The following CDH13 variants were observed in gnomAD, a reference collection of about 807,000 sequenced individuals.
The protein encoded by CDH13 is cadherin-13.
Under a neutral mutation model 63.8 loss-of-function variants are expected in CDH13, and 24 were observed. The ratio of observed to expected loss-of-function variants is 0.38; its 90% CI spans 0.27 to 0.53. The LOEUF (loss-of-function observed/expected upper bound fraction) is 0.53. CDH13 is among the 20% of genes least tolerant of loss of function. CDH13 has a pLI of 0.85. For synonymous variants in CDH13, 503 were observed against 355.3 expected, an observed-to-expected ratio of 1.42 and a Z score of -4.67; for missense variants, 1,049 against 903.1, an observed-to-expected ratio of 1.16 and a Z score of -2.07.
In CDH13 at chr16:83,561,297, T is replaced by A. The variant is rs551381883; in HGVS notation, c.961-41157T>A. On this transcript the variant is annotated intron_variant, in intron 7 of 13. Coordinates refer to ENST00000567109, the MANE Select transcript of CDH13 (RefSeq NM_001257.5). ...TCCCATCTCTACTAAAAAAAAAAAATTAGCCAGGTGTGGTGACGCATGGGA... is the reference window on the plus strand; with the variant it reads ...TCCCATCTCTACTAAAAAAAAAAAAATAGCCAGGTGTGGTGACGCATGGGA... Among the ~76,000 whole-genome samples, 824 of 149,292 alleles carry A rather than the reference T, an allele frequency of 5.5e-3. 10 individuals are homozygous for A. The highest frequency in any genetic ancestry group is 0.019 in the African/African-American group (763 of 40,098).
At chr16:83,250,221 C>T (rs1905359134) in intron 5 of CDH13, among the ~76,000 whole-genome samples, 1 of 152,098 alleles carries the variant, frequency 6.6e-6, no homozygotes, top group African/African-American at 2.4e-5. Flanking sequence ...AGAAAAAAAA[C>T]TCATTGACCC....
chr16:83,362,761 A>G (rs1463809975), intron 6 of CDH13, among the ~76,000 whole-genome samples: 3 of 152,176 alleles, frequency 2.0e-5, no homozygotes, highest in African/African-American at 7.2e-5. Context: ...CTTTTCCTCT[A>G]TGATAAGGCA....
At chr16:82,739,427 T>C (rs1333818906) in intron 1 of CDH13, among the ~76,000 whole-genome samples, 7 of 152,240 alleles carry the variant, frequency 4.6e-5, no homozygotes, top group Non-Finnish European at 1.0e-4. Flanking sequence ...TTCAGACTTG[T>C]TGAAATTTTC....
At chr16:83,424,145 A>G (rs2071810803) in intron 6 of CDH13, among the ~76,000 whole-genome samples, 2 of 151,950 alleles carry the variant, frequency 1.3e-5, no homozygotes, top group Non-Finnish European at 2.9e-5. Context: ...GGGAAATCCA[A>G]CATGGACTGA....
chr16:83,290,511 C>T (rs2089440600), intron 5 of CDH13, among the ~76,000 whole-genome samples: 1 of 152,162 alleles, frequency 6.6e-6, no homozygotes, highest in South Asian at 2.1e-4. Context: ...CTTTGCCCCT[C>T]CTTTGCCTTC....
chr16:82,785,445 C>T (rs566986274), intron 1 of CDH13, among the ~76,000 whole-genome samples: 20 of 152,278 alleles, frequency 1.3e-4, no homozygotes, highest in South Asian at 6.2e-4. Context: ...TGCACTTCTG[C>T]GGACTTTGAT....
rs34772600 is a variant in CDH13 at position 83,405,134 on chromosome 16, CAA to C, written c.781+60141_781+60142del. On this transcript the variant is annotated intron_variant, in intron 6 of 13. Transcript: ENST00000567109. ...CTGAAGTCCCAATCCCTCTAGCTCT[CAA>C]AAAAAAAAAAAATCTTAACAATTCT... is the stretch of plus-strand genomic sequence containing the variant. Among the ~76,000 whole-genome samples, 311 of 139,074 alleles carry C rather than the reference CAA, an allele frequency of 2.2e-3. 2 individuals are homozygous for C. Among genetic ancestry groups the C allele is most frequent in the African/African-American group, 7.4e-3 (277 of 37,684 alleles). 91.2% of individuals were successfully genotyped at this position (139,074 alleles called of 152,430 possible). A position where few individuals can be genotyped will look rare whatever the true frequency, so the allele number is the denominator to read the frequency against.
At chr16:83,032,438 G>A (rs891053199) in intron 3 of CDH13, 1 of 540,846 alleles carries the variant, frequency 1.8e-6, no homozygotes. Flanking sequence ...TTAATTCATG[G>A]AACTATTTTA....
At chr16:83,015,545 T>G (rs964792984) in intron 2 of CDH13, among the ~76,000 whole-genome samples, 1 of 151,350 alleles carries the variant, frequency 6.6e-6, no homozygotes, top group East Asian at 1.9e-4. Flanking sequence ...TGCAGTAAGA[T>G]TCCAGCATCT....
At chr16:83,119,251 G>A (rs1266733224) in intron 3 of CDH13, among the ~76,000 whole-genome samples, 1 of 152,116 alleles carries the variant, frequency 6.6e-6, no homozygotes, top group Non-Finnish European at 1.5e-5. Context: ...AGATGGTTAC[G>A]TTCCTCCCTT....
intron 1 of CDH13, among the ~76,000 whole-genome samples, chr16:82,750,580 C>T (rs969895514): frequency 6.6e-6 from 1 of 152,166 alleles, no homozygotes; most frequent in Non-Finnish European, 1.5e-5. Flanking sequence ...AAGCTGAGCC[C>T]ATTTTTGTTC....
intron 5 of CDH13, among the ~76,000 whole-genome samples, chr16:83,312,591 A>C (rs1439211001): frequency 6.6e-6 from 1 of 152,160 alleles, no homozygotes; most frequent in Non-Finnish European, 1.5e-5. Context: ...GGAGGAAACA[A>C]CACTGTGACT....
At chr16:83,777,118 C>T (rs1459032381) in intron 11 of CDH13, among the ~76,000 whole-genome samples, 2 of 152,224 alleles carry the variant, frequency 1.3e-5, no homozygotes, top group Non-Finnish European at 2.9e-5. Flanking sequence ...CACATCATGC[C>T]TCTCTTCATC....
At chr16:83,577,626 A>G (rs1320872179) in intron 7 of CDH13, among the ~76,000 whole-genome samples, 1 of 152,162 alleles carries the variant, frequency 6.6e-6, no homozygotes. Flanking sequence ...CCTGAGACTC[A>G]TGGGTTTGTA....
At chr16:82,936,608 G>A (rs530397759) in intron 2 of CDH13, among the ~76,000 whole-genome samples, 1 of 152,250 alleles carries the variant, frequency 6.6e-6, no homozygotes, top group South Asian at 2.1e-4. Context: ...AGAAGTTCAG[G>A]GATGAGGACT....
intron 2 of CDH13, among the ~76,000 whole-genome samples, chr16:82,880,431 A>G (rs1198774924): frequency 1.3e-5 from 2 of 152,182 alleles, no homozygotes; most frequent in Non-Finnish European, 2.9e-5. Flanking sequence ...GAGGGCCTTC[A>G]TCTAATTCAT....
intron 6 of CDH13, among the ~76,000 whole-genome samples, chr16:83,482,867 C>G (rs2073803964): frequency 6.6e-6 from 1 of 152,212 alleles, no homozygotes; most frequent in Admixed American, 6.5e-5. Flanking sequence ...TCCTGCGACC[C>G]TTTGTCCCAC....
intron 5 of CDH13, among the ~76,000 whole-genome samples, chr16:83,339,212 G>A (rs1040431530): frequency 6.6e-6 from 1 of 152,134 alleles, no homozygotes; most frequent in Admixed American, 6.5e-5. Flanking sequence ...TTTCATTTGA[G>A]GAAGAGAATG....
chr16:83,251,622 G>T (rs1039007783), intron 5 of CDH13, among the ~76,000 whole-genome samples: 8 of 152,222 alleles, frequency 5.3e-5, no homozygotes, highest in African/African-American at 1.9e-4. Flanking sequence ...TCTAGAGAAG[G>T]CACATCACCT....
Sources: gnomAD v4.1 joint callset for allele counts (sites outside exome capture counted in the v4.1 genomes callset) on GRCh38, gnomAD v4.1.1 for gene constraint, MANE v1.5 for transcripts, NCBI Gene and HGNC (gene_info 2026-07-23, HGNC 2026-07-21) for gene names.